Variants in TENT2 observed in about 807,000 individuals in gnomAD.
TENT2 encodes poly(A) RNA polymerase GLD2.
A neutral mutation model predicts 72.2 loss-of-function variants in TENT2; 44 were observed. That is an observed-to-expected ratio of 0.61 (90% CI 0.48 to 0.78). The LOEUF is 0.78. TENT2 is among the 30% of genes least tolerant of loss of function. The pLI, the probability that TENT2 is intolerant of heterozygous loss-of-function variation, is 0.00. For missense variants in TENT2, 541 were observed against 569.6 expected (o/e 0.95, Z 0.51); for synonymous variants, 212 against 192.5 (o/e 1.10, Z -0.84).
At chr5:79,640,505 C>T (rs1420072367) in intron 4 of TENT2, among the ~76,000 whole-genome samples, 1 of 152,114 alleles carries the variant, frequency 6.6e-6, no homozygotes, top group Non-Finnish European at 1.5e-5. Flanking sequence ...TGTTTGTTTT[C>T]ATAATCCTTT....
intron 4 of TENT2, among the ~76,000 whole-genome samples, chr5:79,633,015 A>G (rs75108285): frequency 0.021 from 3,224 of 152,274 alleles, 115 homozygotes; most frequent in African/African-American, 0.074. Flanking sequence ...GAATACTCCA[A>G]CTTTGTCCTT....
chr5:79,659,961 C>A (rs1214717922), intron 11 of TENT2, among the ~76,000 whole-genome samples: 2 of 151,934 alleles, frequency 1.3e-5, no homozygotes, highest in African/African-American at 2.4e-5. Flanking sequence ...AACGAAAAAA[C>A]AACTTTGTTA....
chr5:79,649,774 C>A (rs1792219215), intron 10 of TENT2, among the ~76,000 whole-genome samples: 1 of 152,056 alleles, frequency 6.6e-6, no homozygotes, highest in Non-Finnish European at 1.5e-5. Flanking sequence ...TTGGACCATT[C>A]ATAAGTGTGA....
At chr5:79,617,234 A>G (rs1760981059) in intron 1 of TENT2, among the ~76,000 whole-genome samples, 1 of 151,516 alleles carries the variant, frequency 6.6e-6, no homozygotes, top group Non-Finnish European at 1.5e-5. Context: ...TCCTCCATAT[A>G]AAACTTGTGA....
intron 4 of TENT2, among the ~76,000 whole-genome samples, chr5:79,635,477 T>C (rs1779346986): frequency 6.6e-6 from 1 of 152,200 alleles, no homozygotes; most frequent in Admixed American, 6.5e-5. Flanking sequence ...TTTTTTAACA[T>C]GTGACTGTTT....
intron 4 of TENT2, among the ~76,000 whole-genome samples, chr5:79,631,595 G>A (rs11949498): frequency 0.2 from 30,871 of 152,072 alleles, 4,626 homozygotes; most frequent in African/African-American, 0.42. Flanking sequence ...AAGAATAGGA[G>A]AACAAATGCA....
intron 11 of TENT2, among the ~76,000 whole-genome samples, chr5:79,663,829 C>T (rs1028756807): frequency 6.6e-6 from 1 of 152,102 alleles, no homozygotes; most frequent in Non-Finnish European, 1.5e-5. Flanking sequence ...GCACCGTTGC[C>T]ATAAACCTTC....
At position 79,619,727 on chromosome 5, in the gene TENT2, C is replaced by T. The variant is rs558841099; in HGVS notation, c.79C>T (p.Pro27Ser). 7.4e-6 allele frequency: 12 copies of T among 1,613,882 alleles called. 1 individual carries two copies. In the South Asian group the frequency reaches 1.2e-4, roughly 16 times the overall value. The change falls in exon 2 of 15, where the codon CCT becomes TCT. Residue 27 changes from proline (P) to serine (S), a missense_variant. Transcript: ENST00000453514. ...ACATAATAACTTCTTTACCCTGTCACCTACTGTTTATTCACACCAGCAGCT... is the reference window on the plus strand; with the variant it reads ...ACATAATAACTTCTTTACCCTGTCATCTACTGTTTATTCACACCAGCAGCT... ...QQHNNFFTLS[P>S]TVYSHQQLID...
chr5:79,615,911 C>CG (rs1455596611), intron 1 of TENT2, among the ~76,000 whole-genome samples: 1 of 151,652 alleles, frequency 6.6e-6, no homozygotes, highest in African/African-American at 2.4e-5. Context: ...TTTTTTGAGA[C>CG]GAAGTCTCGT....
chr5:79,677,344 A>G (rs938155013), intron 12 of TENT2, among the ~76,000 whole-genome samples: 4 of 152,220 alleles, frequency 2.6e-5, no homozygotes, highest in Non-Finnish European at 5.9e-5. Flanking sequence ...GAATATATCT[A>G]TTAACATATA....
intron 4 of TENT2, among the ~76,000 whole-genome samples, chr5:79,637,123 A>G (rs570276810): frequency 6.6e-6 from 1 of 152,256 alleles, no homozygotes; most frequent in African/African-American, 2.4e-5. Flanking sequence ...AGTCCCAGCT[A>G]CTTGCAGGGC....
chr5:79,617,432 T>A (rs1180404677), intron 1 of TENT2: 2 of 152,142 alleles, frequency 1.3e-5, no homozygotes, highest in Non-Finnish European at 2.9e-5. Context: ...AACTAGCTAC[T>A]TTTCTGTATT....
intron 11 of TENT2, among the ~76,000 whole-genome samples, chr5:79,660,905 G>A (rs970399788): frequency 6.6e-6 from 1 of 152,136 alleles, no homozygotes; most frequent in Non-Finnish European, 1.5e-5. Flanking sequence ...TGTGGAGGTG[G>A]AAGACAGTGA....
At chr5:79,648,554 A>T in intron 8 of TENT2, 63 bp from the exon 9 acceptor site, 1 of 1,137,448 alleles carries the variant, frequency 8.8e-7, no homozygotes, top group Non-Finnish European at 1.3e-6. Context: ...TTTAGTTATT[A>T]GGAAGGAAGT....
chr5:79,645,080 C>T (rs1224575836), intron 7 of TENT2, 43 bp from the exon 8 acceptor site: 12 of 1,496,418 alleles, frequency 8.0e-6, no homozygotes, highest in Non-Finnish European at 9.9e-6. Flanking sequence ...ACTGTGAATT[C>T]TAGAAACATT....
chr5:79,656,855 C>A, intron 10 of TENT2, 103 bp from the exon 11 acceptor site: 2 of 677,834 alleles, frequency 3.0e-6, no homozygotes, highest in Non-Finnish European at 2.5e-6. Context: ...TGAATTTTAG[C>A]ATAAACCCTT....
chr5:79,677,660 A>G (rs1226601711), intron 12 of TENT2, among the ~76,000 whole-genome samples: 1 of 152,240 alleles, frequency 6.6e-6, no homozygotes, highest in African/African-American at 2.4e-5. Context: ...ATTTGACTTA[A>G]CTAGTATAAA....
chr5:79,685,126 A>G (rs1047827754), intron 14 of TENT2, 73 bp from the exon 15 acceptor site: 5 of 1,137,060 alleles, frequency 4.4e-6, no homozygotes, highest in Non-Finnish European at 6.5e-6. Flanking sequence ...AACTATTAAC[A>G]TTCTTTTAAA....
intron 12 of TENT2, among the ~76,000 whole-genome samples, chr5:79,678,419 A>G (rs1339895477): frequency 1.3e-5 from 2 of 152,186 alleles, no homozygotes; most frequent in Non-Finnish European, 2.9e-5. Context: ...AGAGAAAGTT[A>G]AATACTACTT....
Sources: gnomAD v4.1 joint callset for allele counts (sites outside exome capture counted in the v4.1 genomes callset) on GRCh38, gnomAD v4.1.1 for gene constraint, MANE v1.5 for transcripts, NCBI Gene and HGNC (gene_info 2026-07-23, HGNC 2026-07-21) for gene names.